Variants in ATP2B1 observed in about 807,000 individuals in gnomAD.
ATP2B1 encodes ATPase plasma membrane Ca2+ transporting 1, also known as plasma membrane calcium-transporting ATPase 1.
Under a neutral mutation model 124.2 loss-of-function variants are expected in ATP2B1, and 14 were observed. The observed-to-expected ratio is 0.11, with a 90% CI of 0.07 to 0.18. The LOEUF (loss-of-function observed/expected upper bound fraction) is 0.18. Ranked by LOEUF, ATP2B1 falls within the 10% of genes least tolerant of loss-of-function variation. The pLI is 1.00. For synonymous variants in ATP2B1, 449 were observed against 492.4 expected (o/e 0.91, Z 1.17); for missense variants, 763 against 1,466.1 (o/e 0.52, Z 7.83).
chr12:89,705,840 A>T (rs1213982021), intron 1 of ATP2B1, among the ~76,000 whole-genome samples: 1 of 152,180 alleles, frequency 6.6e-6, no homozygotes, highest in African/African-American at 2.4e-5. Context: ...AGACTTATCT[A>T]CAGCTCAATA....
At chr12:89,625,209 T>C (rs1306162448) in intron 8 of ATP2B1, among the ~76,000 whole-genome samples, 1 of 151,960 alleles carries the variant, frequency 6.6e-6, no homozygotes. Context: ...GAGGTTGCAG[T>C]GAGCCGAGAT....
chr12:89,708,400 A>C (rs1892781179), intron 1 of ATP2B1, among the ~76,000 whole-genome samples, 196 bp downstream of exon 1: 1 of 151,980 alleles, frequency 6.6e-6, no homozygotes, highest in South Asian at 2.1e-4. Flanking sequence ...TCACCTTCAC[A>C]ATCTCCCGGC....
Position 89,687,166 on chromosome 12 carries a change from C to T in ATP2B1, c.-222+21430G>A, listed in dbSNP as rs61926783. Among the ~76,000 whole-genome samples the T allele has an allele frequency of 5.3e-3, 806 of 152,200 alleles. 6 individuals carry two copies. The highest frequency in any genetic ancestry group is 0.011 in the Admixed American group (162 of 15,280). On this transcript the variant is annotated intron_variant, in intron 1 of 20. Coordinates refer to ENST00000428670, the MANE Select transcript of ATP2B1 (RefSeq NM_001366521.1). ...TAAAGTACAGCCATGCACTGCATAA[C>T]GTTTCGGTCAACAAGGACAAACCAC...
chr12:89,601,774 C>T (rs1437730025), intron 18 of ATP2B1, among the ~76,000 whole-genome samples: 2 of 152,108 alleles, frequency 1.3e-5, no homozygotes, highest in Non-Finnish European at 2.9e-5. Flanking sequence ...AATATAACCC[C>T]AAGCAACTAC....
At chr12:89,674,944 T>C (rs1477417507) in intron 1 of ATP2B1, among the ~76,000 whole-genome samples, 1 of 152,212 alleles carries the variant, frequency 6.6e-6, no homozygotes, top group African/African-American at 2.4e-5. Context: ...AGCCGTTACA[T>C]AAAGTATACT....
chr12:89,652,034 ATC>A (rs1252232676), intron 2 of ATP2B1, among the ~76,000 whole-genome samples: 1 of 152,192 alleles, frequency 6.6e-6, no homozygotes, highest in Non-Finnish European at 1.5e-5. Context: ...GAAATCCAAT[ATC>A]GACACCCCCA....
chr12:89,657,673 C>A (rs1226510164), intron 1 of ATP2B1, among the ~76,000 whole-genome samples: 2 of 152,216 alleles, frequency 1.3e-5, no homozygotes, highest in Non-Finnish European at 2.9e-5. Context: ...CTGGGCCCCA[C>A]ACCTCAAGCA....
At chr12:89,683,252 A>T (rs967572367) in intron 1 of ATP2B1, among the ~76,000 whole-genome samples, 36 of 152,054 alleles carry the variant, frequency 2.4e-4, no homozygotes, top group African/African-American at 8.7e-4. Context: ...CTTAGTCACA[A>T]TTTTTCTTTT....
In ATP2B1 at chr12:89,599,281, T is replaced by C. The variant is rs1386476208; in HGVS notation, c.3187A>G (p.Thr1063Ala). ...TCTTTGAGGAATTTTAAACGGCTAG[T>C]TGGAATTGTTGAAATAAGCTACAAC... ...LWGQLISTIP[T>A]SRLKFLKEAG... Residue 1063 changes from threonine to alanine, a missense_variant, in exon 20 of 21, where the codon ACT becomes GCT. Around this residue, in one of 7 missense-constraint regions of ATP2B1, gnomAD observed 118 missense variants for 240.3 expected, o/e 0.49. Transcript: ENST00000428670. 3.7e-6 allele frequency: 6 copies of C among 1,613,978 alleles called. No homozygotes were observed. Among genetic ancestry groups the C allele is most frequent in the Non-Finnish European group, 5.1e-6 (6 of 1,179,968 alleles).
In ATP2B1 at chr12:89,590,939, T is replaced by G; in HGVS notation, c.*45A>C. 1 of 1,545,054 alleles carries G rather than the reference T, an allele frequency of 6.5e-7. No individual in the cohort carries two copies. The highest frequency in any genetic ancestry group is 2.3e-5 in the East Asian group (1 of 44,298). ...ATATGTGAAAAGACCCAGTTTCAAT[T>G]TGTTTCTTTACAATGCAGCTAGTGT... On this transcript the variant is annotated 3_prime_UTR_variant, in exon 21 of 21. Transcript: ENST00000428670.
intron 1 of ATP2B1, among the ~76,000 whole-genome samples, chr12:89,680,902 C>T (rs1009588446): frequency 3.3e-5 from 5 of 152,112 alleles, no homozygotes; most frequent in African/African-American, 9.7e-5. Flanking sequence ...AAGATAACCA[C>T]GGAACAGCAT....
chr12:89,646,428 T>C (rs1312335276), intron 2 of ATP2B1, among the ~76,000 whole-genome samples: 4 of 151,880 alleles, frequency 2.6e-5, no homozygotes, highest in African/African-American at 7.3e-5. Flanking sequence ...GATGTTCAAA[T>C]AGGGCAAGAG....
chr12:89,678,005 CACACACACACACAT>C (rs1309734003), intron 1 of ATP2B1, among the ~76,000 whole-genome samples: 1 of 141,736 alleles, frequency 7.1e-6, no homozygotes, highest in African/African-American at 2.7e-5. Context: ...CACACACACA[CACACACACACACAT>C]ATACAGAATG....
chr12:89,681,080 A>G (rs1401294362), intron 1 of ATP2B1, among the ~76,000 whole-genome samples: 2 of 152,220 alleles, frequency 1.3e-5, no homozygotes, highest in Non-Finnish European at 2.9e-5. Flanking sequence ...GGGAAGCTTT[A>G]GCAAAATGAC....
At position 89,610,028 on chromosome 12, in the gene ATP2B1, G is replaced by A. The variant is rs369223861; in HGVS notation, c.2351C>T (p.Thr784Ile). 6.2e-7 allele frequency: 1 copy of A among 1,613,138 alleles called. No homozygotes were observed. Among genetic ancestry groups the A allele is most frequent in the Non-Finnish European group, 8.5e-7 (1 of 1,179,434 alleles). Residue 784 changes from threonine to isoleucine, a missense_variant, in exon 15 of 21, where the codon ACT (threonine) becomes ATT (isoleucine). Transcript: ENST00000428670. The part of the protein sequence containing the change: ...HTLVKGIIDS[T>I]VSDQRQVVAV... Reference sequence around the variant, plus strand: ...TACAACCTGGCGTTGGTCTGAGACAGTGCTGTCAATTATACCTTAAATACA... The same window carrying A: ...TACAACCTGGCGTTGGTCTGAGACAATGCTGTCAATTATACCTTAAATACA...
chr12:89,671,705 C>T (rs1333501008), intron 1 of ATP2B1, among the ~76,000 whole-genome samples: 1 of 151,756 alleles, frequency 6.6e-6, no homozygotes, highest in Non-Finnish European at 1.5e-5. Context: ...ACGTGGTTTC[C>T]CATGTGGTAA....
chr12:89,648,539 AAAGGAATG>A (rs1884811205), intron 2 of ATP2B1, among the ~76,000 whole-genome samples: 1 of 152,248 alleles, frequency 6.6e-6, no homozygotes, highest in Non-Finnish European at 1.5e-5. Flanking sequence ...TAGCAGGAGC[AAAGGAATG>A]ACCTGAAGTT....
chr12:89,639,617 C>A (rs1469385763), intron 3 of ATP2B1, among the ~76,000 whole-genome samples: 1 of 150,798 alleles, frequency 6.6e-6, no homozygotes, highest in Non-Finnish European at 1.5e-5. Context: ...TACTAAATAA[C>A]TTTTCACCAT....
chr12:89,645,273 G>C (rs544915181), intron 2 of ATP2B1, among the ~76,000 whole-genome samples: 3 of 152,170 alleles, frequency 2.0e-5, no homozygotes, highest in African/African-American at 7.2e-5. Context: ...TTCAATTTTG[G>C]GGACAATTAA....
Sources: gnomAD v4.1 joint callset for allele counts (sites outside exome capture counted in the v4.1 genomes callset) on GRCh38, gnomAD v4.1.1 for gene constraint, gnomAD v4.1.1 regional missense constraint, MANE v1.5 for transcripts, NCBI Gene and HGNC (gene_info 2026-07-23, HGNC 2026-07-21) for gene names.